CFAP20DC: variants seen among roughly 807,000 people sequenced by gnomAD.
CFAP20DC encodes the protein protein CFAP20DC.
A neutral mutation model predicts 101.7 loss-of-function variants in CFAP20DC; 84 were observed. That is an observed-to-expected ratio of 0.83 (90% confidence interval 0.69 to 0.99). CFAP20DC has a LOEUF of 0.99. CFAP20DC is among the 50% of genes least tolerant of loss of function. The pLI is 0.00. For missense variants in CFAP20DC, 1,007 were observed against 970.3 expected (o/e 1.04, Z -0.50); for synonymous variants, 359 against 351.2 (o/e 1.02, Z -0.25).
chr3:58,761,556 C>A lies in CFAP20DC; in HGVS notation c.2238-7693G>T, dbSNP rs1041450323. 2.8e-4 allele frequency among the ~76,000 whole-genome samples: 43 copies of A among 152,102 alleles called. 1 individual carries two copies. Among genetic ancestry groups the A allele is most frequent in the Middle Eastern group, 3.4e-3 (1 of 294 alleles). On this transcript the variant is annotated intron_variant, in intron 15 of 16. Transcript: ENST00000482387. ...TTTCCTTCAGTTCTGCTCTGATCTT[C>A]ATTATTTCTTGCCTTCTGCTAGCTT...
At chr3:58,983,988 G>T (rs541013663) in intron 4 of CFAP20DC, among the ~76,000 whole-genome samples, 1 of 152,222 alleles carries the variant, frequency 6.6e-6, no homozygotes, top group African/African-American at 2.4e-5. Flanking sequence ...TATGTGTAAG[G>T]CATGATTTCA....
At chr3:58,801,725 G>A (rs1445895765) in intron 15 of CFAP20DC, among the ~76,000 whole-genome samples, 1 of 152,134 alleles carries the variant, frequency 6.6e-6, no homozygotes, top group Non-Finnish European at 1.5e-5. Flanking sequence ...TGAGCCAGCG[G>A]GAACTGAGGT....
At chr3:59,031,718 A>G (rs538137224) in intron 4 of CFAP20DC, among the ~76,000 whole-genome samples, 1 of 152,354 alleles carries the variant, frequency 6.6e-6, no homozygotes, top group East Asian at 1.9e-4. Flanking sequence ...TTGTATATTG[A>G]TAGCTAAAAT....
chr3:58,968,993 G>C (rs985092166), intron 4 of CFAP20DC, among the ~76,000 whole-genome samples: 1 of 152,088 alleles, frequency 6.6e-6, no homozygotes, highest in African/African-American at 2.4e-5. Flanking sequence ...GATTTTGTCA[G>C]CTTTGTTGAA....
chr3:58,816,836 A>T (rs948229578), intron 14 of CFAP20DC, among the ~76,000 whole-genome samples: 1 of 152,182 alleles, frequency 6.6e-6, no homozygotes, highest in East Asian at 1.9e-4. Context: ...CTCTGGGGGC[A>T]GGGCACAGAC....
chr3:59,000,104 T>C (rs2093267036), intron 4 of CFAP20DC, among the ~76,000 whole-genome samples: 1 of 152,228 alleles, frequency 6.6e-6, no homozygotes, highest in South Asian at 2.1e-4. Context: ...AACAATTATG[T>C]AATCTCCTTC....
chr3:58,945,759 C>T (rs948698701), intron 4 of CFAP20DC, among the ~76,000 whole-genome samples: 3 of 149,752 alleles, frequency 2.0e-5, no homozygotes, highest in Admixed American at 1.3e-4. Context: ...TCCAGTGGCG[C>T]GATGTCGGCT....
chr3:58,997,362 G>C (rs1038128859), intron 4 of CFAP20DC, among the ~76,000 whole-genome samples: 1 of 152,160 alleles, frequency 6.6e-6, no homozygotes, highest in African/African-American at 2.4e-5. Context: ...TCTGGCTCTA[G>C]AACATGCTCT....
At chr3:59,022,440 A>T (rs1407377196) in intron 4 of CFAP20DC, among the ~76,000 whole-genome samples, 2 of 152,142 alleles carry the variant, frequency 1.3e-5, no homozygotes, top group Non-Finnish European at 2.9e-5. Flanking sequence ...ATGCTAACAC[A>T]TTAGTTTCTA....
intron 15 of CFAP20DC, among the ~76,000 whole-genome samples, chr3:58,768,869 C>G (rs544749127): frequency 7.9e-5 from 12 of 152,300 alleles, no homozygotes; most frequent in East Asian, 3.9e-4. Context: ...TTTAGAGGAG[C>G]CTTGCTTGAG....
chr3:58,925,676 T>C (rs1470134558), intron 5 of CFAP20DC, among the ~76,000 whole-genome samples: 1 of 152,216 alleles, frequency 6.6e-6, no homozygotes, highest in Non-Finnish European at 1.5e-5. Flanking sequence ...TTTTAAGTCA[T>C]AGGCTACTCA....
At chr3:59,033,014 T>A (rs1016299155) in intron 4 of CFAP20DC, among the ~76,000 whole-genome samples, 2 of 152,072 alleles carry the variant, frequency 1.3e-5, no homozygotes, top group Non-Finnish European at 2.9e-5. Context: ...CAGGCGGCAA[T>A]CTTTGCTGTT....
chr3:58,917,509 C>G (rs1288862629), intron 5 of CFAP20DC, among the ~76,000 whole-genome samples: 1 of 152,152 alleles, frequency 6.6e-6, no homozygotes, highest in African/African-American at 2.4e-5. Context: ...ACCACAATTT[C>G]ATACCCTGGC....
At chr3:58,746,747 C>T (rs1374366410) in intron 16 of CFAP20DC, among the ~76,000 whole-genome samples, 1 of 152,026 alleles carries the variant, frequency 6.6e-6, no homozygotes, top group African/African-American at 2.4e-5. Flanking sequence ...TTTAAAACTA[C>T]CAACAATGAC....
downstream of CFAP20DC, among the ~76,000 whole-genome samples, chr3:58,738,540 T>C (rs1575523766): frequency 6.6e-6 from 1 of 152,260 alleles, no homozygotes; most frequent in South Asian, 2.1e-4. This position sits in a 1 kb window ranked among gnomAD's most constrained non-coding sequence, Gnocchi z 4.4. Flanking sequence ...TATGGCTACA[T>C]AGTATTCCAT....
chr3:58,881,184 G>C (rs1320996217), intron 7 of CFAP20DC, among the ~76,000 whole-genome samples: 2 of 152,152 alleles, frequency 1.3e-5, no homozygotes, highest in African/African-American at 4.8e-5. Context: ...CTAGGAGCTA[G>C]GGATGTCAGT....
chr3:58,763,302 T>C (rs1432236394), intron 15 of CFAP20DC, among the ~76,000 whole-genome samples: 1 of 152,214 alleles, frequency 6.6e-6, no homozygotes, highest in Non-Finnish European at 1.5e-5. Context: ...CTTCCATCAC[T>C]GACACCCTTT....
chr3:58,744,610 T>C (rs150978325), intron 16 of CFAP20DC, among the ~76,000 whole-genome samples: 9 of 152,114 alleles, frequency 5.9e-5, no homozygotes, highest in African/African-American at 2.2e-4. Context: ...GAAATGGGCT[T>C]GTTAACTCCA....
rs529804268 is a variant in CFAP20DC, at chr3:58,760,213, G to A, written c.2238-6350C>T. Among the ~76,000 whole-genome samples, 5 of 152,274 alleles carry A rather than the reference G, an allele frequency of 3.3e-5. No homozygotes were observed. The East Asian group carries it at 7.7e-4, about 23-fold the overall frequency. Reference sequence around the variant, plus strand: ...TTTGTATCCTCTTTTGTTTTGTTGAGCAGTGGTTTGTAGTTCTCCTTGAAG... The same window carrying A: ...TTTGTATCCTCTTTTGTTTTGTTGAACAGTGGTTTGTAGTTCTCCTTGAAG... On this transcript the variant is annotated intron_variant, in intron 15 of 16. Coordinates refer to ENST00000482387, the MANE Select transcript of CFAP20DC (RefSeq NM_001394063.1).
Sources: allele counts gnomAD v4.1 joint callset (sites outside exome capture counted in the v4.1 genomes callset), GRCh38; gene constraint gnomAD v4.1.1; non-coding constraint Gnocchi (gnomAD v3.1); transcripts MANE v1.5; gene names NCBI Gene and HGNC (gene_info 2026-07-23, HGNC 2026-07-21).